Variants in LARGE1 observed in about 807,000 individuals in gnomAD.
LARGE1 encodes LARGE xylosyl- and glucuronyltransferase 1.
In LARGE1, 43 loss-of-function variants were observed where a neutral mutation model predicts 87.6. The ratio of observed to expected loss-of-function variants is 0.49; its 90% CI spans 0.38 to 0.63. The LOEUF (loss-of-function observed/expected upper bound fraction) is 0.63, where lower values mean the gene tolerates loss of function less well. Among genes scored for constraint, LARGE1 ranks in the 30% least tolerant of loss-of-function variants. The pLI, the probability that LARGE1 is intolerant of heterozygous loss-of-function variation, is 0.00. For missense variants in LARGE1, 802 were observed against 1,000.2 expected (o/e 0.80, Z 2.67); for synonymous variants, 434 against 394.6 (o/e 1.10, Z -1.18).
intron 1 of LARGE1, among the ~76,000 whole-genome samples, chr22:33,763,719 G>T (rs969147067): frequency 2.0e-5 from 3 of 151,976 alleles, no homozygotes; most frequent in Non-Finnish European, 4.4e-5. Context: ...ATCTTGGAGG[G>T]TTGCTTTGAG....
chr22:33,524,588 T>C (rs2071787246), intron 6 of LARGE1, among the ~76,000 whole-genome samples: 2 of 151,904 alleles, frequency 1.3e-5, no homozygotes, highest in Admixed American at 6.6e-5. Context: ...TGAAATTACA[T>C]CTGGTACCAG....
Position 33,197,626 on chromosome 22 carries a change from G to T in LARGE1, c.1731-30794C>A, listed in dbSNP as rs943442663. Among the ~76,000 whole-genome samples the T allele has an allele frequency of 3.3e-5, 5 of 152,128 alleles. No homozygotes were observed. In the South Asian group the frequency reaches 6.2e-4, roughly 19 times the overall value. ...CTATAAATACAGAGTACTGTTGAGA[G>T]AACTTAAAGAAGTTCTAAATAAATG... On this transcript the variant is annotated intron_variant, in intron 11 of 11. Coordinates refer to the LARGE1 transcript ENST00000608642.
the LARGE1 span, among the ~76,000 whole-genome samples, chr22:33,089,371 C>CTTCTTCTTCTCCTT: frequency 1.3e-4 from 10 of 76,096 alleles, no homozygotes; most frequent in East Asian, 1.3e-3. Context: ...TTCTTCTTCT[C>CTTCTTCTTCTCCTT]CTTCTTCTTC....
chr22:33,651,424 AAT>A (rs1458874393), intron 2 of LARGE1, among the ~76,000 whole-genome samples: 6 of 151,140 alleles, frequency 4.0e-5, no homozygotes, highest in Non-Finnish European at 1.5e-5. Context: ...AAAAGATAAT[AAT>A]AATGACTAAG....
intron 1 of LARGE1, among the ~76,000 whole-genome samples, chr22:33,791,530 T>C (rs912053318): frequency 2.6e-5 from 4 of 152,248 alleles, no homozygotes; most frequent in African/African-American, 9.6e-5. Flanking sequence ...GGTTTCATTT[T>C]GTGTTTAGAA....
intron 6 of LARGE1, among the ~76,000 whole-genome samples, chr22:33,533,906 G>A (rs902487975): frequency 6.8e-6 from 1 of 147,616 alleles, no homozygotes; most frequent in Non-Finnish European, 1.5e-5. Flanking sequence ...TTTTTTGGAC[G>A]TTTTCCGCTC....
intron 11 of LARGE1, among the ~76,000 whole-genome samples, chr22:33,242,577 T>C (rs1926573477): frequency 6.6e-6 from 1 of 152,210 alleles, no homozygotes; most frequent in African/African-American, 2.4e-5. Flanking sequence ...TTTCCGTTTT[T>C]TTCATATATA....
intron 3 of LARGE1, among the ~76,000 whole-genome samples, chr22:33,632,280 T>A (rs1988207413): frequency 6.6e-6 from 1 of 152,168 alleles, no homozygotes; most frequent in South Asian, 2.1e-4. Flanking sequence ...GCGGCCATCA[T>A]GCCCAGCTAA....
chr22:33,378,533 T>C (rs1030590355), intron 9 of LARGE1, among the ~76,000 whole-genome samples: 10 of 152,240 alleles, frequency 6.6e-5, no homozygotes, highest in African/African-American at 2.4e-4. Flanking sequence ...TGTTGGCCTA[T>C]TGTCCCTCTG....
intron 11 of LARGE1, among the ~76,000 whole-genome samples, chr22:33,190,992 T>C (rs78233308): frequency 0.032 from 4,821 of 152,286 alleles, 259 homozygotes; most frequent in African/African-American, 0.11. Context: ...GCCCTTAGCA[T>C]TATGAATTGT....
Position 33,274,356 on chromosome 22 carries a change from AGGCCG to A in LARGE1, c.*66_*70del, listed in dbSNP as rs1047043244. ...AAGCATGGCTCAATTTTGAATTTGA[AGGCCG>A]GGCCCCAAACAGCGAGTGGCACTTC... On this transcript the variant is annotated 3_prime_UTR_variant, in exon 15 of 15. Coordinates refer to ENST00000397394, the MANE Select transcript of LARGE1 (RefSeq NM_133642.5). The A allele has an allele frequency of 6.8e-5, 102 of 1,493,524 alleles. No individual in the cohort carries two copies. Among genetic ancestry groups the A allele is most frequent in the Non-Finnish European group, 9.2e-5 (99 of 1,070,618 alleles). The allele number at this position is 1,493,524 out of a possible 1,614,324, so 92.5% of individuals were successfully genotyped here.
rs1011020681 is a variant in LARGE1 at position 33,807,681 on chromosome 22, C to A, written c.-82-46123G>T. ...CTGATTCATCCTTTCCTCTTCCCAA[C>A]CCCTGGCAACCACTGATCTTTTTAC... On this transcript the variant is annotated intron_variant, in intron 1 of 14. Transcript: ENST00000397394. Among the ~76,000 whole-genome samples the A allele has an allele frequency of 3.3e-5, 5 of 152,216 alleles. No homozygotes were observed. In the South Asian group the frequency reaches 1.0e-3, roughly 32 times the overall value.
chr22:33,170,087 G>A (rs1327947471), intron 11 of LARGE1, among the ~76,000 whole-genome samples: 3 of 152,070 alleles, frequency 2.0e-5, no homozygotes, highest in Non-Finnish European at 4.4e-5. Context: ...CCTCATAAAT[G>A]AGATTATTGC....
At chr22:33,323,737 T>A (rs572866458) in intron 10 of LARGE1, among the ~76,000 whole-genome samples, 43 of 152,326 alleles carry the variant, frequency 2.8e-4, no homozygotes, top group African/African-American at 1.0e-3. Context: ...TCTTAAACTT[T>A]TCTGTAGTTA....
chr22:33,779,597 T>C (rs369868163), intron 1 of LARGE1, among the ~76,000 whole-genome samples: 2 of 151,850 alleles, frequency 1.3e-5, no homozygotes, highest in African/African-American at 4.8e-5. Context: ...CTGTCCAACA[T>C]AGTGAAACCC....
the LARGE1 span, among the ~76,000 whole-genome samples, chr22:33,145,638 A>ATT: frequency 6.6e-6 from 1 of 152,174 alleles, no homozygotes; most frequent in African/African-American, 2.4e-5. Context: ...ACTGTATTCT[A>ATT]TGGGTATTTG....
chr22:33,604,196 C>T (rs1319952762), intron 5 of LARGE1, among the ~76,000 whole-genome samples: 4 of 152,180 alleles, frequency 2.6e-5, no homozygotes, highest in East Asian at 1.9e-4. Flanking sequence ...TGCTCTCCAG[C>T]GTCTCCAGAA....
At chr22:33,819,682 C>T (rs1380665577) in intron 1 of LARGE1, among the ~76,000 whole-genome samples, 1 of 152,176 alleles carries the variant, frequency 6.6e-6, no homozygotes, top group Non-Finnish European at 1.5e-5. Flanking sequence ...CCTCAACCAC[C>T]CTTTCCACTT....
chr22:33,900,234 C>G (rs1425476411), intron 1 of LARGE1, among the ~76,000 whole-genome samples: 2 of 152,230 alleles, frequency 1.3e-5, no homozygotes, highest in South Asian at 2.1e-4. Flanking sequence ...AGGAACACAG[C>G]AGTCCTGACG....
Sources: allele counts gnomAD v4.1 joint callset (sites outside exome capture counted in the v4.1 genomes callset), GRCh38; gene constraint gnomAD v4.1.1; transcripts MANE v1.5; gene names NCBI Gene and HGNC (gene_info 2026-07-23, HGNC 2026-07-21).